ROBO2: variants seen among roughly 807,000 people sequenced by gnomAD.
The protein encoded by ROBO2 is roundabout homolog 2.
A neutral mutation model predicts 160.8 loss-of-function variants in ROBO2; 53 were observed. The observed-to-expected ratio is 0.33, with a 90% CI of 0.26 to 0.41. The LOEUF is 0.41. ROBO2 is among the 10% of genes least tolerant of loss of function. The pLI is 1.00. For synonymous variants in ROBO2, 664 were observed against 611.7 expected (o/e 1.09, Z -1.26); for missense variants, 1,577 against 1,722.4 (o/e 0.92, Z 1.49).
intron 2 of ROBO2, among the ~76,000 whole-genome samples, chr3:76,161,979 G>C (rs1389489499): frequency 6.6e-6 from 1 of 152,148 alleles, no homozygotes; most frequent in Non-Finnish European, 1.5e-5. Flanking sequence ...AAATATATGT[G>C]GCTATGTAGT....
intron 2 of ROBO2, among the ~76,000 whole-genome samples, chr3:76,117,673 T>C (rs1282085851): frequency 6.6e-6 from 1 of 152,184 alleles, no homozygotes; most frequent in Non-Finnish European, 1.5e-5. Flanking sequence ...TTAACAAATA[T>C]AAATACTGTG....
chr3:76,406,582 T>C (rs2078137451), intron 2 of ROBO2, among the ~76,000 whole-genome samples: 1 of 151,768 alleles, frequency 6.6e-6, no homozygotes, highest in Non-Finnish European at 1.5e-5. Flanking sequence ...TTTTTTACAA[T>C]TAGGGCACTA....
intron 2 of ROBO2, among the ~76,000 whole-genome samples, chr3:77,298,024 A>G (rs767397249): frequency 2.6e-5 from 4 of 152,118 alleles, no homozygotes; most frequent in Non-Finnish European, 4.4e-5. Context: ...CGGGTAGGGC[A>G]TTGTGCTTGT....
At chr3:76,008,050 A>G (rs915586578) in intron 2 of ROBO2, among the ~76,000 whole-genome samples, 2 of 151,956 alleles carry the variant, frequency 1.3e-5, no homozygotes, top group African/African-American at 4.8e-5. Context: ...CCTGGCCAAC[A>G]TGGTGAAACC....
intron 2 of ROBO2, among the ~76,000 whole-genome samples, chr3:76,778,723 T>G (rs567382882): frequency 6.6e-6 from 1 of 151,266 alleles, no homozygotes; most frequent in African/African-American, 2.4e-5. Flanking sequence ...TATGCAGATT[T>G]CAGTTACCAC....
intron 2 of ROBO2, among the ~76,000 whole-genome samples, chr3:76,145,116 A>AG (rs75307653): frequency 0.44 from 66,771 of 151,492 alleles, 15,873 homozygotes; most frequent in South Asian, 0.58. Context: ...GAAAAAAAAA[A>AG]CGCTTTGAAA....
chr3:75,990,311 C>T (rs1444782276), intron 2 of ROBO2, among the ~76,000 whole-genome samples: 2 of 152,170 alleles, frequency 1.3e-5, no homozygotes, highest in African/African-American at 2.4e-5. Context: ...AGAGGTTAGA[C>T]TTCATAGGGG....
chr3:76,829,934 C>T (rs533596468), intron 2 of ROBO2, among the ~76,000 whole-genome samples: 44 of 152,350 alleles, frequency 2.9e-4, no homozygotes, highest in Admixed American at 1.2e-3. Context: ...TCCCCAAGTG[C>T]TGGGATTACA....
At chr3:77,032,410 A>G (rs1338172847) in intron 2 of ROBO2, among the ~76,000 whole-genome samples, 2 of 152,220 alleles carry the variant, frequency 1.3e-5, no homozygotes, top group Non-Finnish European at 2.9e-5. Context: ...TAATAAGACA[A>G]TTAATTTAAA....
At chr3:76,825,094 T>C (rs769202249) in intron 2 of ROBO2, among the ~76,000 whole-genome samples, 2 of 152,122 alleles carry the variant, frequency 1.3e-5, no homozygotes, top group Non-Finnish European at 2.9e-5. Flanking sequence ...CTAGGAGTAA[T>C]AATTATAAAT....
intron 2 of ROBO2, among the ~76,000 whole-genome samples, chr3:76,156,865 G>A (rs1174177571): frequency 1.3e-5 from 2 of 152,164 alleles, no homozygotes; most frequent in Admixed American, 1.3e-4. Context: ...ACAGCCACTT[G>A]GGAGGCTGAG....
chr3:77,044,573 G>T (rs1168416698), intron 1 of ROBO2, among the ~76,000 whole-genome samples: 1 of 151,430 alleles, frequency 6.6e-6, no homozygotes, highest in African/African-American at 2.4e-5. Flanking sequence ...TCTAATGAAA[G>T]GAATTAGAGA....
intron 2 of ROBO2, among the ~76,000 whole-genome samples, chr3:76,934,303 T>G (rs767687421): frequency 6.6e-6 from 1 of 152,164 alleles, no homozygotes; most frequent in Non-Finnish European, 1.5e-5. Flanking sequence ...TTTCAAAACG[T>G]GATGATTCTC....
chr3:77,578,094 G>A (rs1583060521), intron 15 of ROBO2, among the ~76,000 whole-genome samples: 1 of 151,762 alleles, frequency 6.6e-6, no homozygotes. Flanking sequence ...AGGTTGTGTA[G>A]AATATTTCAC....
chr3:77,435,701 A>C (rs1453275483), intron 2 of ROBO2, among the ~76,000 whole-genome samples: 1 of 151,844 alleles, frequency 6.6e-6, no homozygotes, highest in Non-Finnish European at 1.5e-5. Context: ...CCATCTGACA[A>C]TGCTTTGTCT....
chr3:76,726,596 G>A (rs1220259124), intron 2 of ROBO2, among the ~76,000 whole-genome samples: 1 of 152,058 alleles, frequency 6.6e-6, no homozygotes, highest in Non-Finnish European at 1.5e-5. Context: ...AAGGTCCCAA[G>A]TGTGGTTTCT....
intron 2 of ROBO2, among the ~76,000 whole-genome samples, chr3:77,440,310 T>C (rs1056445791): frequency 6.6e-6 from 1 of 152,208 alleles, no homozygotes. Context: ...TTTCTTATGC[T>C]ATTTTACATC....
At chr3:76,407,788 G>T (rs891541858) in intron 2 of ROBO2, among the ~76,000 whole-genome samples, 7 of 152,006 alleles carry the variant, frequency 4.6e-5, no homozygotes, top group African/African-American at 1.7e-4. Context: ...GTTATAATCA[G>T]CAGAACCCTT....
At chr3:77,619,612 G>T (rs2094857189) in intron 22 of ROBO2, among the ~76,000 whole-genome samples, 1 of 152,052 alleles carries the variant, frequency 6.6e-6, no homozygotes, top group South Asian at 2.1e-4. Context: ...ACTTCATTTT[G>T]GCTCTGTCAC....
Sources: gnomAD v4.1 joint callset for allele counts (sites outside exome capture counted in the v4.1 genomes callset) on GRCh38, gnomAD v4.1.1 for gene constraint, MANE v1.5 for transcripts, NCBI Gene and HGNC (gene_info 2026-07-23, HGNC 2026-07-21) for gene names.